HNRNPUL1: variants seen among roughly 807,000 people sequenced by gnomAD.
The protein encoded by HNRNPUL1 is heterogeneous nuclear ribonucleoprotein U like 1.
A neutral mutation model predicts 108.5 loss-of-function variants in HNRNPUL1; 14 were observed. That is an observed-to-expected ratio of 0.13 (90% CI 0.09 to 0.20). The LOEUF is 0.20. HNRNPUL1 is among the 10% of genes least tolerant of loss of function. The pLI is 1.00. For synonymous variants in HNRNPUL1, 422 were observed against 445.2 expected (o/e 0.95, Z 0.66); for missense variants, 804 against 1,168.3 (o/e 0.69, Z 4.55).
chr19:41,267,503 C>T (rs1345096436), intron 1 of HNRNPUL1, among the ~76,000 whole-genome samples: 1 of 152,212 alleles, frequency 6.6e-6, no homozygotes, highest in Admixed American at 6.5e-5. Flanking sequence ...CCCTTAAGCC[C>T]TCCTTCAACC....
Position 41,302,870 on chromosome 19 carries a change from C to A in HNRNPUL1, c.1893C>A (p.Asn631Lys). ...GTGGTGGCTTCCAGCGCTATGAAAA[C>A]CGAGGACCCCCTGGAGGCAACCGTG... is the stretch of plus-strand genomic sequence containing the variant. Reference protein sequence around the residue: ...GGGGGFQRYENRGPPGGNRGG... With the variant: ...GGGGGFQRYEKRGPPGGNRGG... The change falls in exon 12 of 15, where the codon AAC (asparagine) becomes AAA (lysine). Residue 631 changes from asparagine (N) to lysine (K), a missense_variant. Transcript: ENST00000392006. The A allele has an allele frequency of 6.4e-7, 1 of 1,565,104 alleles. No individual in the cohort carries two copies. The highest frequency in any genetic ancestry group is 8.7e-7 in the Non-Finnish European group (1 of 1,154,920).
rs2037398918 is a variant in HNRNPUL1 at position 41,304,073 on chromosome 19, C to G, written c.2074C>G (p.Pro692Ala). ...CAACAGAGGCAGCTACAACCGGGCT[C>G]CCCAGCAACAGCCGCCACCACAGCA... The part of the protein sequence containing the change: ...SNNRGSYNRA[P>A]QQQPPPQQPP... The change falls in exon 13 of 15, where the codon CCC becomes GCC. Residue 692 changes from proline (P) to alanine (A), a missense_variant. Coordinates refer to ENST00000392006, the MANE Select transcript of HNRNPUL1 (RefSeq NM_007040.6). 6.2e-7 allele frequency: 1 copy of G among 1,613,280 alleles called. No individual in the cohort carries two copies. Among genetic ancestry groups the G allele is most frequent in the Admixed American group, 1.7e-5 (1 of 59,998 alleles).
intron 1 of HNRNPUL1, chr19:41,265,167 G>T: frequency 6.9e-7 from 1 of 1,441,362 alleles, no homozygotes; most frequent in Non-Finnish European, 9.1e-7. Context: ...GGGATCCTAG[G>T]GTACGGAGCT....
At position 41,294,089 on chromosome 19, in the gene HNRNPUL1, AGGCGTGAGCTACC is replaced by A. The variant is rs546013811; in HGVS notation, c.1267-247_1267-235del. ...TTTCCCCCGAAAGTCCTGGGATTAT[AGGCGTGAGCTACC>A]GTGCCTGGCCAGCACTTGACTTAAT... On this transcript the variant is annotated intron_variant, in intron 8 of 14. Coordinates refer to ENST00000392006, the MANE Select transcript of HNRNPUL1 (RefSeq NM_007040.6). The surrounding 1 kb of genome is among the most constrained non-coding windows in gnomAD (Gnocchi z 4.3). Among the ~76,000 whole-genome samples, 55 of 152,246 alleles carry A rather than the reference AGGCGTGAGCTACC, an allele frequency of 3.6e-4. 2 individuals are homozygous for A. The South Asian group carries it at 9.8e-3, about 27-fold the overall frequency.
Position 41,306,208 on chromosome 19 carries a change from A to G in HNRNPUL1, c.2455-241A>G, listed in dbSNP as rs1022106110. On this transcript the variant is annotated intron_variant, in intron 14 of 14. Coordinates refer to ENST00000392006, the MANE Select transcript of HNRNPUL1 (RefSeq NM_007040.6). ...ATACCTGTTACTAAATCTTTTGACT[A>G]TGATATCTAGCTATACCCAAAAGGC... 9.2e-5 allele frequency among the ~76,000 whole-genome samples: 14 copies of G among 152,164 alleles called. No homozygotes were observed. The South Asian group carries it at 1.9e-3, about 20-fold the overall frequency.
chr19:41,305,731 C>A lies in HNRNPUL1; in HGVS notation c.2318C>A (p.Ala773Asp). The stretch of plus-strand genomic sequence containing the variant: ...GGAGGTTACAGCCAGGGCTACACAG[C>A]CCCACCGCCTCCACCTCCACCACCA... ...NQGGYSQGYTAPPPPPPPPPA... is the reference protein window; with the variant it reads ...NQGGYSQGYTDPPPPPPPPPA... Residue 773 changes from alanine (A) to aspartate (D), a missense_variant, in exon 14 of 15, where the codon GCC becomes GAC. By Grantham distance (126) the Ala-to-Asp change is moderately radical. Around this residue, in one of 4 missense-constraint regions of HNRNPUL1, gnomAD observed 294 missense variants for 388.3 expected, o/e 0.76. Coordinates refer to ENST00000392006, the MANE Select transcript of HNRNPUL1 (RefSeq NM_007040.6). The A allele has an allele frequency of 1.2e-6, 2 of 1,614,116 alleles. No individual in the cohort carries two copies. The highest frequency in any genetic ancestry group is 1.7e-6 in the Non-Finnish European group (2 of 1,179,986).
chr19:41,292,467 C>T lies in HNRNPUL1; in HGVS notation c.1222C>T (p.Arg408Cys), dbSNP rs753332324. The T allele has an allele frequency of 2.5e-6, 4 of 1,613,684 alleles. No homozygotes were observed. The highest frequency in any genetic ancestry group is 1.1e-5 in the South Asian group (1 of 91,084). Residue 408 changes from arginine to cysteine, a missense_variant, in exon 8 of 15, where the codon CGT becomes TGT. Arg to Cys is a radical substitution (Grantham distance 180). Around this residue, in one of 4 missense-constraint regions of HNRNPUL1, gnomAD observed 174 missense variants for 296.6 expected, o/e 0.59. Transcript: ENST00000392006. This position sits in a 1 kb window ranked among gnomAD's most constrained non-coding sequence, Gnocchi z 4.1. ...TFIQHLPLSE[R>C]IRGTVGPKSK... is the part of the protein sequence containing the mutation. ...CATCCAGCACCTTCCCCTTAGTGAGCGTATCCGGGGCACCGTTGGACCAAA... is the reference window on the plus strand; with the variant it reads ...CATCCAGCACCTTCCCCTTAGTGAGTGTATCCGGGGCACCGTTGGACCAAA...
intron 6 of HNRNPUL1, chr19:41,280,949 C>G (rs1030253868): frequency 5.8e-6 from 3 of 520,544 alleles, no homozygotes; most frequent in African/African-American, 5.8e-5. Flanking sequence ...GCTCCTACTC[C>G]CAGACTGGAC....
Position 41,275,893 on chromosome 19 carries a change from G to A in HNRNPUL1, c.647-266G>A, listed in dbSNP as rs952735945. ...CGAGGCAGGTGGATCACCTGAGGTCGGGAGTTCGAGACCAGCCTGGCCAAC... is the reference window on the plus strand; with the variant it reads ...CGAGGCAGGTGGATCACCTGAGGTCAGGAGTTCGAGACCAGCCTGGCCAAC... On this transcript the variant is annotated intron_variant, in intron 4 of 14. Transcript: ENST00000392006. Among the ~76,000 whole-genome samples, 13 of 152,134 alleles carry A rather than the reference G, an allele frequency of 8.5e-5. No homozygotes were observed. In the South Asian group the frequency reaches 1.5e-3, roughly 17 times the overall value.
In HNRNPUL1 at chr19:41,301,554, G is replaced by T. The variant is rs775484216; in HGVS notation, c.1537G>T (p.Ala513Ser). ...CCCTTAGACAAATGTTTATGGGTCA[G>T]CCCAGAGACGAAAAATGAGACCATT... The part of the protein sequence containing the change: ...ILDQTNVYGS[A>S]QRRKMRPFEG... Residue 513 changes from alanine (A) to serine (S), a missense_variant, in exon 11 of 15, where the codon GCC becomes TCC. Ala to Ser is a moderately conservative substitution (Grantham distance 99, BLOSUM62 1). Transcript: ENST00000392006. 2 of 1,613,858 alleles carry T rather than the reference G, an allele frequency of 1.2e-6. No individual in the cohort carries two copies. The highest frequency in any genetic ancestry group is 4.5e-5 in the East Asian group (2 of 44,878).
chr19:41,303,189 T>C (rs761071911), intron 12 of HNRNPUL1, among the ~76,000 whole-genome samples: 4 of 152,162 alleles, frequency 2.6e-5, no homozygotes, highest in Non-Finnish European at 4.4e-5. Context: ...TTCTGTCACA[T>C]TGCTGTCATT....
At chr19:41,290,799 G>A (rs2122787429) in intron 7 of HNRNPUL1, among the ~76,000 whole-genome samples, 1 of 152,312 alleles carries the variant, frequency 6.6e-6, no homozygotes, top group South Asian at 2.1e-4. Flanking sequence ...GCTCACACCT[G>A]TAATCCCAGC....
chr19:41,292,639 C>T lies in HNRNPUL1; in HGVS notation c.1266+128C>T. ...AAGTGGCCACTTTGTCCCAGCTCCT[C>T]AGGGTTGGACTCAGAGCTGAAAAGC... is the stretch of plus-strand genomic sequence containing the variant. On this transcript the variant is annotated intron_variant, in intron 8 of 14. Coordinates refer to ENST00000392006, the MANE Select transcript of HNRNPUL1 (RefSeq NM_007040.6). The surrounding 1 kb of genome is among the most constrained non-coding windows in gnomAD (Gnocchi z 4.1). 2 of 1,156,590 alleles carry T rather than the reference C, an allele frequency of 1.7e-6. No homozygotes were observed. Among genetic ancestry groups the T allele is most frequent in the South Asian group, 2.8e-5 (2 of 70,994 alleles). 71.6% of individuals were successfully genotyped at this position (1,156,590 alleles called of 1,614,324 possible). A position where few individuals can be genotyped will look rare whatever the true frequency, so the allele number is the denominator to read the frequency against.
At chr19:41,264,242 G>A, upstream of HNRNPUL1, 1 of 363,984 alleles carries the variant, frequency 2.7e-6, no homozygotes, top group Non-Finnish European at 4.9e-6. Context: ...TCTCGTGGCC[G>A]TTGTTTTGAA....
chr19:41,279,252 T>G, intron 6 of HNRNPUL1, 76 bp downstream of exon 6: 2 of 1,017,584 alleles, frequency 2.0e-6, no homozygotes, highest in Non-Finnish European at 3.0e-6. Context: ...GCTCCTAAGC[T>G]TCCTTTTCCA....
At chr19:41,271,450 G>C (rs923333024) in intron 2 of HNRNPUL1, among the ~76,000 whole-genome samples, 1 of 152,184 alleles carries the variant, frequency 6.6e-6, no homozygotes, top group Non-Finnish European at 1.5e-5. Flanking sequence ...TGCCGAAGCT[G>C]GGGAGTGATC....
At chr19:41,276,585 C>A in intron 5 of HNRNPUL1, 1 of 264,382 alleles carries the variant, frequency 3.8e-6, no homozygotes, top group Non-Finnish European at 7.2e-6. Flanking sequence ...GTTTGTAGAA[C>A]TGAGAAAAGA....
chr19:41,305,630 T>G (rs1235524168), intron 13 of HNRNPUL1, 46 bp from the exon 14 acceptor site: 2 of 1,612,034 alleles, frequency 1.2e-6, no homozygotes, highest in Non-Finnish European at 1.7e-6. Flanking sequence ...ATCTGCAGAT[T>G]TCCTCTATTT....
intron 7 of HNRNPUL1, among the ~76,000 whole-genome samples, chr19:41,284,089 T>A (rs1406258983): frequency 6.6e-6 from 1 of 152,214 alleles, no homozygotes; most frequent in Admixed American, 6.5e-5. Flanking sequence ...TTTAATCATG[T>A]TACTGCAATA....
Sources: gnomAD v4.1 joint callset for allele counts (sites outside exome capture counted in the v4.1 genomes callset) on GRCh38, gnomAD v4.1.1 for gene constraint, gnomAD v4.1.1 regional missense constraint, Gnocchi (gnomAD v3.1) non-coding constraint, MANE v1.5 for transcripts, NCBI Gene and HGNC (gene_info 2026-07-23, HGNC 2026-07-21) for gene names.